The following NCKAP1 variants were observed in gnomAD, a reference collection of about 807,000 sequenced individuals.
NCKAP1 encodes NCK associated protein 1.
Under a neutral mutation model 151.2 loss-of-function variants are expected in NCKAP1, and 21 were observed. That is an observed-to-expected ratio of 0.14 (90% confidence interval 0.10 to 0.20). The LOEUF (loss-of-function observed/expected upper bound fraction) is 0.20, where lower values mean the gene tolerates loss of function less well. Among genes scored for constraint, NCKAP1 ranks in the 10% least tolerant of loss-of-function variants. The pLI is 1.00. For synonymous variants in NCKAP1, 484 were observed against 451.8 expected (o/e 1.07, Z -0.90); for missense variants, 933 against 1,352.1 (o/e 0.69, Z 4.86).
intron 8 of NCKAP1, among the ~76,000 whole-genome samples, chr2:182,989,994 A>T (rs1005126309): frequency 2.0e-5 from 3 of 150,046 alleles, no homozygotes; most frequent in Non-Finnish European, 4.4e-5. Context: ...TGTCTCAAAA[A>T]ATATATATAT....
chr2:182,965,912 A>G (rs1697560729), intron 16 of NCKAP1, among the ~76,000 whole-genome samples: 1 of 152,152 alleles, frequency 6.6e-6, no homozygotes, highest in Admixed American at 6.5e-5. Context: ...TGATGTGCCT[A>G]AATCTAAAAA....
chr2:182,986,484 T>C (rs1221696467), intron 9 of NCKAP1, among the ~76,000 whole-genome samples: 1 of 152,206 alleles, frequency 6.6e-6, no homozygotes, highest in Non-Finnish European at 1.5e-5. Flanking sequence ...TTTCATTTTA[T>C]TAAATGTTAT....
chr2:182,981,336 C>T lies in NCKAP1; in HGVS notation c.1249G>A (p.Ala417Thr), dbSNP rs1697933710. Residue 417 changes from alanine (A) to threonine (T), a missense_variant, in exon 13 of 31, where the codon GCA (alanine) becomes ACA (threonine). Physicochemically the swap from Ala to Thr is moderately conservative, Grantham distance 58 (BLOSUM62 0). This residue lies in a region of NCKAP1 where 607 missense variants were observed against 795.0 expected (regional missense o/e 0.76). Coordinates refer to ENST00000361354, the MANE Select transcript of NCKAP1 (RefSeq NM_013436.5). ...ACAGGTCCGTATTTCCTCACATGTG[C>T]TCTAAGTTCTTCCATGTAAAATATT... Reference protein sequence around the residue: ...ELIFYMEELRAHVRKYGPVMQ... With the variant: ...ELIFYMEELRTHVRKYGPVMQ... The T allele has an allele frequency of 6.2e-7, 1 of 1,612,956 alleles. No homozygotes were observed. Among genetic ancestry groups the T allele is most frequent in the Non-Finnish European group, 8.5e-7 (1 of 1,179,206 alleles).
intron 23 of NCKAP1, among the ~76,000 whole-genome samples, chr2:182,951,636 C>CAAAAAAAAAAAAAAAAAAAAA (rs11336221): frequency 2.2e-5 from 2 of 90,788 alleles, no homozygotes; most frequent in Non-Finnish European, 2.1e-5. Flanking sequence ...GACTCCATCT[C>CAAAAAAAAAAAAAAAAAAAAA]AAAAAAAAAA....
intron 7 of NCKAP1, among the ~76,000 whole-genome samples, chr2:182,995,122 A>G (rs1043438421): frequency 1.3e-5 from 2 of 152,188 alleles, no homozygotes; most frequent in African/African-American, 4.8e-5. Context: ...CCTCTCTTTA[A>G]AAAAATATTG....
intron 2 of NCKAP1, among the ~76,000 whole-genome samples, chr2:183,006,892 G>C (rs554267964): frequency 1.8e-4 from 27 of 152,206 alleles, no homozygotes; most frequent in African/African-American, 6.0e-4. Flanking sequence ...TTATTTTTGG[G>C]ATGGAGTCTT....
intron 8 of NCKAP1, among the ~76,000 whole-genome samples, chr2:182,989,927 T>C (rs1325692081): frequency 6.6e-6 from 1 of 151,818 alleles, no homozygotes. Context: ...GAGGCCGAAG[T>C]TGCAGTGAGC....
chr2:182,919,852 A>C lies in NCKAP1; in HGVS notation c.*5850T>G, dbSNP rs1696523023. The stretch of plus-strand genomic sequence containing the variant: ...TTTTTAGTAGAGACAGGGTTTCACC[A>C]TGTTGGCCAGGTTGGTCTCAATCTC... On this transcript the variant is annotated 3_prime_UTR_variant, in exon 31 of 31. Coordinates refer to ENST00000361354, the MANE Select transcript of NCKAP1 (RefSeq NM_013436.5). 1 of 152,272 alleles carries C rather than the reference A, an allele frequency of 6.6e-6. No individual in the cohort carries two copies. The highest frequency in any genetic ancestry group is 2.4e-5 in the African/African-American group (1 of 41,428). The allele number at this position is 152,272 out of a possible 1,614,324, so 9.4% of individuals were successfully genotyped here.
chr2:182,947,494 T>G (rs1351168717), intron 23 of NCKAP1, among the ~76,000 whole-genome samples: 1 of 152,232 alleles, frequency 6.6e-6, no homozygotes, highest in Non-Finnish European at 1.5e-5. Context: ...GAAAAGTGGC[T>G]TCCAAAGCTG....
chr2:183,020,810 T>C (rs918031819), intron 2 of NCKAP1, among the ~76,000 whole-genome samples: 3 of 152,118 alleles, frequency 2.0e-5, no homozygotes, highest in Admixed American at 6.6e-5. Flanking sequence ...ATTCAATAAG[T>C]TAAAAAATAA....
chr2:182,940,299 A>G (rs1696969224), intron 24 of NCKAP1, among the ~76,000 whole-genome samples: 1 of 136,222 alleles, frequency 7.3e-6, no homozygotes, highest in Admixed American at 7.3e-5. Flanking sequence ...GTACAATAAC[A>G]AAAGAAAGAT....
chr2:183,022,399 A>C (rs1215484797), intron 2 of NCKAP1, among the ~76,000 whole-genome samples: 2 of 152,234 alleles, frequency 1.3e-5, no homozygotes, highest in African/African-American at 4.8e-5. Context: ...AGAGTTCTCC[A>C]CACAAACAAA....
intron 6 of NCKAP1, among the ~76,000 whole-genome samples, chr2:182,999,375 A>C (rs1451172063): frequency 6.6e-6 from 1 of 152,080 alleles, no homozygotes; most frequent in African/African-American, 2.4e-5. Context: ...ATAACCACCC[A>C]ACAAACATAT....
intron 2 of NCKAP1, among the ~76,000 whole-genome samples, chr2:183,004,803 G>T (rs900831696): frequency 1.6e-4 from 24 of 149,774 alleles, no homozygotes; most frequent in African/African-American, 5.7e-4. Context: ...AGAATCGCTT[G>T]AACTAGGGAG....
chr2:182,953,416 T>A, intron 20 of NCKAP1, 85 bp from the exon 21 acceptor site: 1 of 807,696 alleles, frequency 1.2e-6, no homozygotes, highest in Non-Finnish European at 1.9e-6. Context: ...TGTTATCTAA[T>A]ATTAAACAAG....
At chr2:183,015,249 GATC>G (rs1698661505) in intron 2 of NCKAP1, among the ~76,000 whole-genome samples, 1 of 152,042 alleles carries the variant, frequency 6.6e-6, no homozygotes, top group Admixed American at 6.6e-5. Context: ...TGTGTTTTGG[GATC>G]ATAAGAACCA....
intron 15 of NCKAP1, among the ~76,000 whole-genome samples, chr2:182,971,401 A>G (rs866067946): frequency 6.0e-4 from 90 of 150,362 alleles, no homozygotes; most frequent in Non-Finnish European, 1.2e-3. Context: ...CTCAAAAAAA[A>G]AAAAAAAAAA....
intron 30 of NCKAP1, among the ~76,000 whole-genome samples, chr2:182,926,559 TTTTCCAAC>T (rs1696652469): frequency 6.6e-6 from 1 of 151,958 alleles, no homozygotes; most frequent in African/African-American, 2.4e-5. Context: ...GGCCTGAGTG[TTTTCCAAC>T]AGGTTGAAAA....
At chr2:183,028,309 CTT>C (rs1698937991) in intron 1 of NCKAP1, among the ~76,000 whole-genome samples, 2 of 152,056 alleles carry the variant, frequency 1.3e-5, no homozygotes, top group Non-Finnish European at 2.9e-5. Context: ...TTTACTTTAT[CTT>C]GAGTCAGCAT....
Sources: allele counts gnomAD v4.1 joint callset (sites outside exome capture counted in the v4.1 genomes callset), GRCh38; gene constraint gnomAD v4.1.1; regional missense constraint gnomAD v4.1.1; transcripts MANE v1.5; gene names NCBI Gene and HGNC (gene_info 2026-07-23, HGNC 2026-07-21).